LSM8: variants seen among roughly 807,000 people sequenced by gnomAD.
The protein encoded by LSM8 is LSM8 homolog, U6 small nuclear RNA associated.
Under a neutral mutation model 15.0 loss-of-function variants are expected in LSM8, and 14 were observed. The observed-to-expected ratio is 0.93, with a 90% CI of 0.62 to 1.46. The LOEUF (loss-of-function observed/expected upper bound fraction) is 1.46. LSM8 is among the 40% of genes most tolerant of loss of function. LSM8 has a pLI of 0.00. For missense variants in LSM8, 90 were observed against 115.4 expected, an observed-to-expected ratio of 0.78 and a Z score of 1.01; for synonymous variants, 50 against 42.1, an observed-to-expected ratio of 1.19 and a Z score of -0.73.
chr7:118,186,197 CTTG>C (rs1390758912), intron 2 of LSM8, among the ~76,000 whole-genome samples: 2 of 152,072 alleles, frequency 1.3e-5, no homozygotes, highest in Non-Finnish European at 2.9e-5. Context: ...GTAAAATTGG[CTTG>C]TTCCTTGAAG....
At position 118,201,123 on chromosome 7, in the gene LSM8, T is replaced by G. The variant is rs921347968; in HGVS notation, c.*9121T>G. ...TAAACCTTTAATGAACTTTTTAATATGCAATACTCAATTGTAAATAACCAT... is the reference window on the plus strand; with the variant it reads ...TAAACCTTTAATGAACTTTTTAATAGGCAATACTCAATTGTAAATAACCAT... On this transcript the variant is annotated 3_prime_UTR_variant, in exon 4 of 4. Coordinates refer to ENST00000249299, the MANE Select transcript of LSM8 (RefSeq NM_016200.5). Among the ~76,000 whole-genome samples the G allele has an allele frequency of 1.4e-4, 22 of 152,132 alleles. No individual in the cohort carries two copies. Among genetic ancestry groups the G allele is most frequent in the Non-Finnish European group, 2.6e-4 (18 of 68,002 alleles).
At chr7:118,185,820 C>G in intron 2 of LSM8, 126 bp downstream of exon 2, 1 of 798,824 alleles carries the variant, frequency 1.3e-6, no homozygotes, top group Non-Finnish European at 2.0e-6. Context: ...TATTATAATT[C>G]AGCTCTTTAT....
At position 118,196,115 on chromosome 7, in the gene LSM8, A is replaced by G. The variant is rs1008905695; in HGVS notation, c.*4113A>G. On this transcript the variant is annotated 3_prime_UTR_variant, in exon 4 of 4. Transcript: ENST00000249299. ...ACCTGTCCACAAACTTCAAAAAAAT[A>G]GATTTTGGAATTTTGTCAGGGACAC... Among the ~76,000 whole-genome samples, 9 of 152,164 alleles carry G rather than the reference A, an allele frequency of 5.9e-5. No individual in the cohort carries two copies. The highest frequency in any genetic ancestry group is 2.2e-4 in the African/African-American group (9 of 41,422).
At position 118,192,414 on chromosome 7, in the gene LSM8, T is replaced by C. The variant is rs1209013314; in HGVS notation, c.*412T>C. 6.4e-6 allele frequency: 1 copy of C among 155,330 alleles called. No homozygotes were observed. The highest frequency in any genetic ancestry group is 1.4e-5 in the Non-Finnish European group (1 of 70,178). The allele number at this position is 155,330 out of a possible 1,614,324, so 9.6% of individuals were successfully genotyped here. On this transcript the variant is annotated 3_prime_UTR_variant, in exon 4 of 4. Transcript: ENST00000249299. ...GGAAAATCACAGGAGGGTAAATCTT[T>C]GCTGGAGTTATCTGAATCATTGGCA...
In LSM8 at chr7:118,200,496, A is replaced by G. The variant is rs1489961398; in HGVS notation, c.*8494A>G. On this transcript the variant is annotated 3_prime_UTR_variant, in exon 4 of 4. Coordinates refer to ENST00000249299, the MANE Select transcript of LSM8 (RefSeq NM_016200.5). ...GGTTGGAACTCTACCTGAACTAAAAATAAGTGGTCTCTATCACGTTGAAAT... is the reference window on the plus strand; with the variant it reads ...GGTTGGAACTCTACCTGAACTAAAAGTAAGTGGTCTCTATCACGTTGAAAT... Among the ~76,000 whole-genome samples the G allele has an allele frequency of 2.0e-5, 3 of 152,164 alleles. No homozygotes were observed. The highest frequency in any genetic ancestry group is 7.2e-5 in the African/African-American group (3 of 41,448).
In LSM8 at chr7:118,188,336, G is replaced by A. The variant is rs1365421821; in HGVS notation, c.131G>A (p.Arg44Gln). ...TTGATTTTGGATGAAAGCCATGAAC[G>A]AGTATTCAGCTCTTCACAGGGGGTA... ...INLILDESHE[R>Q]VFSSSQGVEQ... The change falls in exon 3 of 4, where the codon CGA becomes CAA. Residue 44 changes from arginine (R) to glutamine (Q), a missense_variant. Coordinates refer to ENST00000249299, the MANE Select transcript of LSM8 (RefSeq NM_016200.5). 7.4e-6 allele frequency: 12 copies of A among 1,613,180 alleles called. No individual in the cohort carries two copies. Among genetic ancestry groups the A allele is most frequent in the Non-Finnish European group, 3.4e-6 (4 of 1,179,290 alleles).
rs17141033 is a variant in LSM8, at chr7:118,197,059, T to C, written c.*5057T>C. On this transcript the variant is annotated 3_prime_UTR_variant, in exon 4 of 4. Transcript: ENST00000249299. ...TTTTATTTTACAGAGTATTACTTGT[T>C]AGAAATGGCACAGATCAAGCATTGC... 0.069 allele frequency among the ~76,000 whole-genome samples: 10,425 copies of C among 152,110 alleles called. 382 individuals carry two copies. Among genetic ancestry groups the C allele is most frequent in the East Asian group, 0.11 (565 of 5,174 alleles).
In LSM8 at chr7:118,201,990, A is replaced by G. The variant is rs1237885830; in HGVS notation, c.*9988A>G. ...AAGTCTCTAGATCCTGATCACTTCT[A>G]TGTGAATTTGTAATATTCTGCTTTT... is the stretch of plus-strand genomic sequence containing the variant. On this transcript the variant is annotated 3_prime_UTR_variant, in exon 4 of 4. Transcript: ENST00000249299. 6.6e-6 allele frequency among the ~76,000 whole-genome samples: 1 copy of G among 152,058 alleles called. No individual in the cohort carries two copies. Among genetic ancestry groups the G allele is most frequent in the Admixed American group, 6.6e-5 (1 of 15,226 alleles).
rs1809139345 is a variant in LSM8, at chr7:118,199,661, A to T, written c.*7659A>T. Among the ~76,000 whole-genome samples the T allele has an allele frequency of 6.6e-6, 1 of 152,122 alleles. No homozygotes were observed. Among genetic ancestry groups the T allele is most frequent in the Admixed American group, 6.6e-5 (1 of 15,262 alleles). ...TCTGTTCAACAATGAGAGTTACCAA[A>T]TGCCAGACACTGCTAAGTGCTGGGA... On this transcript the variant is annotated 3_prime_UTR_variant, in exon 4 of 4. Coordinates refer to ENST00000249299, the MANE Select transcript of LSM8 (RefSeq NM_016200.5).
rs1809136807 is a variant in LSM8 at position 118,199,575 on chromosome 7, A to G, written c.*7573A>G. On this transcript the variant is annotated 3_prime_UTR_variant, in exon 4 of 4. Coordinates refer to ENST00000249299, the MANE Select transcript of LSM8 (RefSeq NM_016200.5). ...TAAATTTATGGAAAGGAAATTTTGG[A>G]ATGGTGATTCTAACCTTTAAGGTTG... Among the ~76,000 whole-genome samples the G allele has an allele frequency of 6.6e-6, 1 of 152,156 alleles. No homozygotes were observed. Among genetic ancestry groups the G allele is most frequent in the Non-Finnish European group, 1.5e-5 (1 of 68,030 alleles).
chr7:118,196,481 CAGG>C lies in LSM8; in HGVS notation c.*4482_*4484del, dbSNP rs1442695170. Among the ~76,000 whole-genome samples the C allele has an allele frequency of 1.3e-5, 2 of 151,842 alleles. No individual in the cohort carries two copies. Among genetic ancestry groups the C allele is most frequent in the African/African-American group, 4.8e-5 (2 of 41,332 alleles). On this transcript the variant is annotated 3_prime_UTR_variant, in exon 4 of 4. Coordinates refer to ENST00000249299, the MANE Select transcript of LSM8 (RefSeq NM_016200.5). ...GGATAAAGGCGAAATAGGACTTCAC[CAGG>C]AGAATTTCTTTCATTAGTTAACAGT...
intron 1 of LSM8, chr7:118,185,335 A>C (rs1002019548): frequency 4.2e-6 from 1 of 236,398 alleles, no homozygotes; most frequent in Admixed American, 5.6e-5. Flanking sequence ...TCATGGCTCA[A>C]TGCAACCTTG....
rs771936170 is a variant in LSM8 at position 118,195,985 on chromosome 7, G to C, written c.*3983G>C. ...GGATTATTGATGTGAGATTTGGTCA[G>C]ATGCTTTGATGTGATCTTCATTCCT... On this transcript the variant is annotated 3_prime_UTR_variant, in exon 4 of 4. Coordinates refer to ENST00000249299, the MANE Select transcript of LSM8 (RefSeq NM_016200.5). Among the ~76,000 whole-genome samples the C allele has an allele frequency of 6.6e-6, 1 of 152,172 alleles. No individual in the cohort carries two copies. The highest frequency in any genetic ancestry group is 2.4e-5 in the African/African-American group (1 of 41,440).
intron 3 of LSM8, chr7:118,189,952 A>G (rs925075113): frequency 6.6e-6 from 1 of 152,218 alleles, no homozygotes; most frequent in African/African-American, 2.4e-5. Flanking sequence ...ACATGTGGCC[A>G]GTATTAGTAT....
chr7:118,184,501 T>C, intron 1 of LSM8: 1 of 409,316 alleles, frequency 2.4e-6, no homozygotes, highest in South Asian at 5.8e-5. Context: ...TCCGAACTTT[T>C]CTGTCTTAAA....
rs1348747180 is a variant in LSM8, at chr7:118,203,721, T to C, written c.*11719T>C. On this transcript the variant is annotated 3_prime_UTR_variant, in exon 4 of 4. Transcript: ENST00000249299. ...ATCAAGATTCTCTTCCTTTTTATGA[T>C]TCTATAGTAACAGTTTAGTTGAGAA... Among the ~76,000 whole-genome samples the C allele has an allele frequency of 6.6e-6, 1 of 151,844 alleles. No homozygotes were observed. Among genetic ancestry groups the C allele is most frequent in the African/African-American group, 2.4e-5 (1 of 41,418 alleles).
rs368528109 is a variant in LSM8, at chr7:118,188,270, C to A, written c.73-8C>A. 5.6e-6 allele frequency: 9 copies of A among 1,612,466 alleles called. No individual in the cohort carries two copies. Among genetic ancestry groups the A allele is most frequent in the Non-Finnish European group, 7.6e-6 (9 of 1,178,946 alleles). On this transcript the variant is annotated splice_region_variant and splice_polypyrimidine_tract_variant and intron_variant, in intron 2 of 3. Coordinates refer to ENST00000249299, the MANE Select transcript of LSM8 (RefSeq NM_016200.5). The stretch of plus-strand genomic sequence containing the variant: ...TTTCTCTTTTTCTCCTGAATATTTT[C>A]TTTACAGGGAACACTGAAAGGTTTT...
At chr7:118,186,139 T>C (rs1388463125) in intron 2 of LSM8, among the ~76,000 whole-genome samples, 1 of 152,184 alleles carries the variant, frequency 6.6e-6, no homozygotes, top group Non-Finnish European at 1.5e-5. Context: ...ACATGTCTTC[T>C]GTAGGACACA....
At chr7:118,187,184 T>C (rs1337921464) in intron 2 of LSM8, among the ~76,000 whole-genome samples, 1 of 151,454 alleles carries the variant, frequency 6.6e-6, no homozygotes, top group Non-Finnish European at 1.5e-5. Flanking sequence ...TTCATTCTCA[T>C]TTTATTTCAT....
Sources: gnomAD v4.1 joint callset for allele counts (sites outside exome capture counted in the v4.1 genomes callset) on GRCh38, gnomAD v4.1.1 for gene constraint, MANE v1.5 for transcripts, NCBI Gene and HGNC (gene_info 2026-07-23, HGNC 2026-07-21) for gene names.